EPPK1: variants seen among roughly 807,000 people sequenced by gnomAD.
EPPK1 encodes epiplakin 1.
For missense variants in EPPK1, 3,823 were observed against 3,673.3 expected (o/e 1.04, Z -1.05); for synonymous variants, 1,862 against 1,721.2 (o/e 1.08, Z -2.03).
chr8:143,872,269 C>A lies in EPPK1; in HGVS notation c.985G>T (p.Val329Leu), dbSNP rs1554661498. ...AGCCGCTGGCCTGTGATGGGGTCCA[C>A]CAGGGTGTGGGTGGCAGCCTGGGCC... ...LEAQAATHTL[V>L]DPITGQRLWV... is the part of the protein sequence containing the mutation. Residue 329 changes from valine to leucine, a missense_variant, in exon 2 of 2, where the codon GTG (valine) becomes TTG (leucine). Coordinates refer to ENST00000615648, the MANE Select transcript of EPPK1 (RefSeq NM_031308.4). The A allele has an allele frequency of 6.2e-7, 1 of 1,608,156 alleles. No individual in the cohort carries two copies. Among genetic ancestry groups the A allele is most frequent in the Non-Finnish European group, 8.5e-7 (1 of 1,177,664 alleles).
chr8:143,869,269 C>T lies in EPPK1; in HGVS notation c.3985G>A (p.Asp1329Asn), dbSNP rs1314318135. The change falls in exon 2 of 2, where the codon GAT becomes AAT. Residue 1329 changes from aspartate to asparagine, a missense_variant. Transcript: ENST00000615648. ...QAERAAAGYPDPYSRASLSLW... is the reference protein window; with the variant it reads ...QAERAAAGYPNPYSRASLSLW... ...GAGAGGGAGGCCCTAGAGTAGGGAT[C>T]TGGGTACCCGGCCGCCGCCCTCTCG... is the stretch of plus-strand genomic sequence containing the variant. The T allele has an allele frequency of 1.1e-5, 18 of 1,606,978 alleles. No homozygotes were observed. In the Middle Eastern group the frequency reaches 1.2e-3, roughly 103 times the overall value.
At position 143,866,014 on chromosome 8, in the gene EPPK1, T is replaced by C. The variant is rs1430246082; in HGVS notation, c.7240A>G (p.Met2414Val). The change falls in exon 2 of 2, where the codon ATG (methionine) becomes GTG (valine). Residue 2414 changes from methionine (M) to valine (V), a missense_variant. Coordinates refer to ENST00000615648, the MANE Select transcript of EPPK1 (RefSeq NM_031308.4). ...GAGCCCCGGCCTGCCAGCTGCAGCA[T>C]GTAGAGCCCGGTGTCCGGGTCGGGC... ...CVPDPDTGLY[M>V]LQLAGRGSAV... is the part of the protein sequence containing the mutation. The C allele has an allele frequency of 4.6e-5, 7 of 153,140 alleles. No individual in the cohort carries two copies. The Admixed American group carries it at 5.9e-4, about 13-fold the overall frequency. 9.5% of individuals were successfully genotyped at this position (153,140 alleles called of 1,614,324 possible). A position where few individuals can be genotyped will look rare whatever the true frequency, so the allele number is the denominator to read the frequency against.
In EPPK1 at chr8:143,866,712, ATCTGTCG is replaced by A; in HGVS notation, c.6535_6541del (p.Arg2179SerfsTer11). 6.2e-7 allele frequency: 1 copy of A among 1,613,334 alleles called. No individual in the cohort carries two copies. Among genetic ancestry groups the A allele is most frequent in the South Asian group, 1.1e-5 (1 of 91,080 alleles). ...TGAGCTGAGGAGTTCAGAAGCTGTGATCTGTCGTCTAATTCCTTGGAACCACAGGTGT... is the reference window on the plus strand; with the variant it reads ...TGAGCTGAGGAGTTCAGAAGCTGTGATCTAATTCCTTGGAACCACAGGTGT... On this transcript the variant is annotated frameshift_variant, in exon 2 of 2. Transcript: ENST00000615648. LOFTEE classifies it low-confidence loss of function (END_TRUNC).
Position 143,871,149 on chromosome 8 carries a change from A to C in EPPK1, c.2105T>G (p.Leu702Arg). ...GAGGCCCTTCTGCATGGCCTGGAAG[A>C]GGGAGATCTGCTGCCCGGTGTAGGG... ...TDPYTGQQIS[L>R]FQAMQKGLIV... The change falls in exon 2 of 2, where the codon CTC becomes CGC. Residue 702 changes from leucine (L) to arginine (R), a missense_variant. Leu to Arg is a moderately radical substitution (Grantham distance 102). Coordinates refer to ENST00000615648, the MANE Select transcript of EPPK1 (RefSeq NM_031308.4). The C allele has an allele frequency of 6.2e-7, 1 of 1,613,192 alleles. No individual in the cohort carries two copies. Among genetic ancestry groups the C allele is most frequent in the Non-Finnish European group, 8.5e-7 (1 of 1,180,006 alleles).
chr8:143,868,630 T>C lies in EPPK1; in HGVS notation c.4624A>G (p.Lys1542Glu), dbSNP rs2130630985. Residue 1542 changes from lysine (K) to glutamate (E), a missense_variant, in exon 2 of 2, where the codon AAG (lysine) becomes GAG (glutamate). Lys to Glu is a moderately conservative substitution (Grantham distance 56). Transcript: ENST00000615648. ...DLFRAQLISR[K>E]TLDELSQGTT... ...CCCTGGCTCAGCTCGTCCAGCGTCT[T>C]CCTGCTGATCAGCTGCGCCCTGAAC... 3 of 1,595,912 alleles carry C rather than the reference T, an allele frequency of 1.9e-6. No individual in the cohort carries two copies. The South Asian group carries it at 3.4e-5, about 18-fold the overall frequency.
At position 143,871,187 on chromosome 8, in the gene EPPK1, A is replaced by G. The variant is rs1011713394; in HGVS notation, c.2067T>C (p.Thr689=). ...AKLLSAERAV[T]GYTDPYTGQQ... ...GCCCGGTGTAGGGGTCAGTGTAGCC[A>G]GTGACAGCGCGCTCAGCCGACAGCA... is the stretch of plus-strand genomic sequence containing the variant. The change falls in exon 2 of 2, where the codon ACT becomes ACC. Residue 689 remains threonine (T), a synonymous_variant. Transcript: ENST00000615648. 6.2e-6 allele frequency: 10 copies of G among 1,613,172 alleles called. No individual in the cohort carries two copies. The highest frequency in any genetic ancestry group is 1.1e-5 in the South Asian group (1 of 91,084).
intron 1 of EPPK1, among the ~76,000 whole-genome samples, chr8:143,877,277 C>T (rs1819500042): frequency 6.6e-6 from 1 of 152,118 alleles, no homozygotes; most frequent in Non-Finnish European, 1.5e-5. Flanking sequence ...GAGTGGGTGT[C>T]TTGACTCCAT....
Position 143,867,761 on chromosome 8 carries a change from G to A in EPPK1, c.5493C>T (p.Ile1831=). The change falls in exon 2 of 2, where the codon ATC becomes ATT. Residue 1831 remains isoleucine, a synonymous_variant. Coordinates refer to ENST00000615648, the MANE Select transcript of EPPK1 (RefSeq NM_031308.4). ...TCTCTGTTTCTTCAATTGTCGTGGT[G>A]ATGATTTCCAGCAATTTCTCCAGGC... ...SGGLEKLLEI[I]TTTIEETETQ... is the part of the protein sequence containing the mutation. 6.2e-7 allele frequency: 1 copy of A among 1,613,732 alleles called. No individual in the cohort carries two copies. Among genetic ancestry groups the A allele is most frequent in the Admixed American group, 1.7e-5 (1 of 60,012 alleles).
At position 143,868,973 on chromosome 8, in the gene EPPK1, GGTCTCGGA is replaced by G; in HGVS notation, c.4273_4280del (p.Ser1425ArgfsTer14). On this transcript the variant is annotated frameshift_variant, in exon 2 of 2. Coordinates refer to ENST00000615648, the MANE Select transcript of EPPK1 (RefSeq NM_031308.4). LOFTEE classifies it low-confidence loss of function (END_TRUNC). ...AGGGCAGTGGCAACAGCAACAATCCGGTCTCGGAGTCGCACACGCAGCGCTCCCTGAGC... is the reference window on the plus strand; with the variant it reads ...AGGGCAGTGGCAACAGCAACAATCCGGTCGCACACGCAGCGCTCCCTGAGC... The G allele has an allele frequency of 3.1e-6, 5 of 1,610,360 alleles. No individual in the cohort carries two copies. The highest frequency in any genetic ancestry group is 4.2e-6 in the Non-Finnish European group (5 of 1,179,848).
Position 143,867,296 on chromosome 8 carries a change from C to A in EPPK1, c.5958G>T (p.Thr1986=). The A allele has an allele frequency of 6.2e-7, 1 of 1,612,346 alleles. No homozygotes were observed. The highest frequency in any genetic ancestry group is 8.5e-7 in the Non-Finnish European group (1 of 1,179,576). ...TCTGCATGGCCTGGAACAGCGGGAT[C>A]GTGTCTCCTGTGGCCGGATCCCTGT... ...TGYRDPATGD[T]IPLFQAMQKQ... Residue 1986 remains threonine, a synonymous_variant, in exon 2 of 2, where the codon ACG becomes ACT. Coordinates refer to ENST00000615648, the MANE Select transcript of EPPK1 (RefSeq NM_031308.4).
chr8:143,878,261 C>G (rs1421782830), intron 1 of EPPK1, among the ~76,000 whole-genome samples, 177 bp downstream of exon 1: 6 of 151,706 alleles, frequency 4.0e-5, no homozygotes, highest in Non-Finnish European at 8.8e-5. Context: ...CAAGACCCCG[C>G]TGGCCGCCGC....
At chr8:143,874,618 TC>T (rs1391178576) in intron 1 of EPPK1, among the ~76,000 whole-genome samples, 3 of 152,144 alleles carry the variant, frequency 2.0e-5, no homozygotes, top group African/African-American at 4.8e-5. Flanking sequence ...CTCCTCGCCT[TC>T]CGGCTTCTGG....
intron 1 of EPPK1, among the ~76,000 whole-genome samples, 200 bp downstream of exon 1, chr8:143,878,238 C>T (rs1283357918): frequency 6.6e-6 from 1 of 151,926 alleles, no homozygotes; most frequent in Non-Finnish European, 1.5e-5. Flanking sequence ...GGGAAACCTG[C>T]CCGGCCAGAG....
Position 143,872,156 on chromosome 8 carries a change from G to A in EPPK1, c.1098C>T (p.His366=), listed in dbSNP as rs781820856. The change falls in exon 2 of 2, where the codon CAC becomes CAT. Residue 366 remains histidine, a synonymous_variant. Coordinates refer to ENST00000615648, the MANE Select transcript of EPPK1 (RefSeq NM_031308.4). ...LLVAEQAVTG[H]HDPFSGSQIP... is the part of the protein sequence containing the mutation. The stretch of plus-strand genomic sequence containing the variant: ...TTTGGGAGCCACTGAAGGGGTCGTG[G>A]TGCCCTGTCACGGCCTGCTCGGCCA... 1.9e-6 allele frequency: 3 copies of A among 1,584,704 alleles called. No individual in the cohort carries two copies. The highest frequency in any genetic ancestry group is 3.4e-4 in the Middle Eastern group (2 of 5,934).
intron 1 of EPPK1, among the ~76,000 whole-genome samples, chr8:143,873,851 A>C (rs543821511): frequency 6.6e-6 from 1 of 151,776 alleles, no homozygotes; most frequent in Non-Finnish European, 1.5e-5. Context: ...ACTCCAGAGA[A>C]GCCTCTGCCA....
In EPPK1 at chr8:143,857,605, G is replaced by T. The variant is rs566443848; in HGVS notation, c.*382C>A. On this transcript the variant is annotated 3_prime_UTR_variant, in exon 2 of 2. Transcript: ENST00000615648. ...ATAGCACATCGTTAGGGAAATAACC[G>T]CATGTAATAAAAATTACACTGCAAC... The T allele has an allele frequency of 1.9e-5, 4 of 211,904 alleles. No individual in the cohort carries two copies. The highest frequency in any genetic ancestry group is 2.8e-5 in the Non-Finnish European group (3 of 107,860). The allele number at this position is 211,904 out of a possible 1,614,324, so 13.1% of individuals were successfully genotyped here.
Position 143,868,705 on chromosome 8 carries a change from G to A in EPPK1, c.4549C>T (p.Leu1517=), listed in dbSNP as rs368146843. 8 of 1,579,948 alleles carry A rather than the reference G, an allele frequency of 5.1e-6. No individual in the cohort carries two copies. The highest frequency in any genetic ancestry group is 1.8e-5 in the Admixed American group (1 of 55,092). The part of the protein sequence containing the change: ...TLVEAAERQP[L]QATFRGLRKQ... ...CGGAGCCCTCTGAAGGTGGCCTGCA[G>A]GGGCTGCCTCTCTGCAGCCTCGACC... The change falls in exon 2 of 2, where the codon CTG becomes TTG. Residue 1517 remains leucine (L), a synonymous_variant. Transcript: ENST00000615648.
In EPPK1 at chr8:143,872,527, TCA is replaced by T. The variant is rs1445274401; in HGVS notation, c.725_726del (p.Val242GlufsTer4). The T allele has an allele frequency of 6.2e-7, 1 of 1,601,002 alleles. No homozygotes were observed. The highest frequency in any genetic ancestry group is 1.3e-5 in the African/African-American group (1 of 74,772). On this transcript the variant is annotated frameshift_variant, in exon 2 of 2. Coordinates refer to ENST00000615648, the MANE Select transcript of EPPK1 (RefSeq NM_031308.4). LOFTEE classifies it low-confidence loss of function (END_TRUNC). Reference sequence around the variant, plus strand: ...CCCACCTCCAGCAGCTCAGCTGCACTCACCGCCCCGCCCATGGAGCGGAAGGT... The same window carrying T: ...CCCACCTCCAGCAGCTCAGCTGCACTCCGCCCCGCCCATGGAGCGGAAGGT... The part of the protein sequence containing the change: ...KITFRSMGGA[V>X]SAAELLEVGI...
rs782530358 is a variant in EPPK1 at position 143,870,305 on chromosome 8, C to G, written c.2949G>C (p.Ser983=). The G allele has an allele frequency of 1.9e-6, 3 of 1,578,100 alleles. No homozygotes were observed. Among genetic ancestry groups the G allele is most frequent in the Non-Finnish European group, 2.6e-6 (3 of 1,168,120 alleles). Residue 983 remains serine, a synonymous_variant, in exon 2 of 2, where the codon TCG becomes TCC. Coordinates refer to ENST00000615648, the MANE Select transcript of EPPK1 (RefSeq NM_031308.4). The surrounding 1 kb of genome is among the most constrained non-coding windows in gnomAD (Gnocchi z 5.2). ...CACCCCTGCGCACGGCCTCATCCACCGAGAGGCTCTCTGGGCTGTGAGGGT... is the reference window on the plus strand; with the variant it reads ...CACCCCTGCGCACGGCCTCATCCACGGAGAGGCTCTCTGGGCTGTGAGGGT... The part of the protein sequence containing the change: ...IMDPHSPESL[S]VDEAVRRGVV...
Sources: gnomAD v4.1 joint callset for allele counts (sites outside exome capture counted in the v4.1 genomes callset) on GRCh38, gnomAD v4.1.1 for gene constraint, Gnocchi (gnomAD v3.1) non-coding constraint, MANE v1.5 for transcripts, NCBI Gene and HGNC (gene_info 2026-07-23, HGNC 2026-07-21) for gene names.